ABCC1: variants seen among roughly 807,000 people sequenced by gnomAD.
ABCC1 encodes multidrug resistance-associated protein 1.
In ABCC1, 83 loss-of-function variants were observed where a neutral mutation model predicts 172.9. That is an observed-to-expected ratio of 0.48 (90% CI 0.40 to 0.58). The LOEUF is 0.58. Ranked by LOEUF, ABCC1 falls within the 20% of genes least tolerant of loss-of-function variation. The pLI is 0.00. For missense variants in ABCC1, 1,817 were observed against 2,002.7 expected (o/e 0.91, Z 1.77); for synonymous variants, 937 against 825.2 (o/e 1.14, Z -2.32).
intron 5 of ABCC1, among the ~76,000 whole-genome samples, chr16:16,021,441 G>C (rs1216569175): frequency 2.0e-5 from 3 of 152,104 alleles, no homozygotes; most frequent in African/African-American, 4.8e-5. Flanking sequence ...TCAAGGCCAG[G>C]TGTGGTGGCT....
intron 1 of ABCC1, among the ~76,000 whole-genome samples, chr16:15,984,338 C>T (rs983083142): frequency 1.3e-5 from 2 of 151,966 alleles, no homozygotes; most frequent in Admixed American, 6.6e-5. Flanking sequence ...GTAAGAATTA[C>T]GTAGTTGTAT....
At chr16:16,021,506 C>G (rs1468806825) in intron 5 of ABCC1, among the ~76,000 whole-genome samples, 1 of 152,084 alleles carries the variant, frequency 6.6e-6, no homozygotes. Flanking sequence ...CACCTGAGAT[C>G]AGGAGTTTGA....
chr16:16,088,135 G>A (rs888631969), intron 18 of ABCC1, among the ~76,000 whole-genome samples: 6 of 124,664 alleles, frequency 4.8e-5, no homozygotes, highest in Admixed American at 8.3e-5. Context: ...GTGTGTGTGT[G>A]TGTGTGTGTG....
rs1567298855 is a variant in ABCC1, at chr16:15,999,811, T to TCTCTCTC, written c.49-8004_49-7998dup. On this transcript the variant is annotated intron_variant, in intron 1 of 30. Coordinates refer to ENST00000399410, the MANE Select transcript of ABCC1 (RefSeq NM_004996.4). ...TCTCTCTCTCTCTCTCTCTCTCTCCTCTCTCTCTCTCTCTCTCTCTCTGTC... is the reference window on the plus strand; with the variant it reads ...TCTCTCTCTCTCTCTCTCTCTCTCCTCTCTCTCCTCTCTCTCTCTCTCTCTCTCTGTC... Among the ~76,000 whole-genome samples, 99 of 34,140 alleles carry TCTCTCTC rather than the reference T, an allele frequency of 2.9e-3. 2 individuals carry two copies. The highest frequency in any genetic ancestry group is 9.6e-3 in the African/African-American group (90 of 9,390). 22.4% of individuals were successfully genotyped at this position (34,140 alleles called of 152,430 possible). A position where few individuals can be genotyped will look rare whatever the true frequency, so the allele number is the denominator to read the frequency against.
chr16:16,102,765 TGGGAGGACAAGAG>T, intron 20 of ABCC1, 48 bp downstream of exon 20: 1 of 1,532,730 alleles, frequency 6.5e-7, no homozygotes, highest in Non-Finnish European at 8.8e-7. Context: ...GCCCTGCCAG[TGGGAGGACAAGAG>T]GAGGAACAAA....
chr16:15,978,729 GA>G (rs1366589867), intron 1 of ABCC1, among the ~76,000 whole-genome samples: 1 of 151,994 alleles, frequency 6.6e-6, no homozygotes, highest in Non-Finnish European at 1.5e-5. Flanking sequence ...GGACCACATA[GA>G]AAAAAATATT....
intron 12 of ABCC1, among the ~76,000 whole-genome samples, chr16:16,063,182 C>T (rs1277340868): frequency 6.6e-6 from 1 of 152,214 alleles, no homozygotes; most frequent in Non-Finnish European, 1.5e-5. Flanking sequence ...TCACAGCTCA[C>T]TGCAACCTCC....
chr16:16,066,005 A>G (rs548841167), intron 12 of ABCC1, among the ~76,000 whole-genome samples: 2 of 152,120 alleles, frequency 1.3e-5, no homozygotes, highest in East Asian at 3.9e-4. Context: ...AATGACAATC[A>G]CCACTAATTC....
In ABCC1 at chr16:16,007,829, C is replaced by T. The variant is rs762542019; in HGVS notation, c.62C>T (p.Thr21Met). 20 of 1,612,334 alleles carry T rather than the reference C, an allele frequency of 1.2e-5. No individual in the cohort carries two copies. The highest frequency in any genetic ancestry group is 1.0e-4 in the Admixed American group (6 of 59,728). ...GSDPLWDWNVTWNTSNPDFTK... is the reference protein window; with the variant it reads ...GSDPLWDWNVMWNTSNPDFTK... ...TTGTGTTCGCAGGACTGGAATGTCACGTGGAATACCAGCAACCCCGACTTC... is the reference window on the plus strand; with the variant it reads ...TTGTGTTCGCAGGACTGGAATGTCATGTGGAATACCAGCAACCCCGACTTC... The change falls in exon 2 of 31, where the codon ACG becomes ATG. Residue 21 changes from threonine (T) to methionine (M), a missense_variant. Thr to Met is a moderately conservative substitution (Grantham distance 81). Around this residue, in one of 3 missense-constraint regions of ABCC1, gnomAD observed 398 missense variants for 384.2 expected, o/e 1.04. Coordinates refer to ENST00000399410, the MANE Select transcript of ABCC1 (RefSeq NM_004996.4).
At chr16:16,058,839 A>T (rs2049786195) in intron 12 of ABCC1, among the ~76,000 whole-genome samples, 4 of 152,134 alleles carry the variant, frequency 2.6e-5, no homozygotes, top group Admixed American at 2.6e-4. Context: ...TCTTTAGTGT[A>T]GAGATGGTGT....
At chr16:16,123,968 GATCATGTC>G (rs2045287070) in intron 24 of ABCC1, among the ~76,000 whole-genome samples, 1 of 152,044 alleles carries the variant, frequency 6.6e-6, no homozygotes, top group Admixed American at 6.5e-5. Flanking sequence ...AGTGAGCTGT[GATCATGTC>G]ATCCACACTC....
At chr16:15,956,562 C>G (rs1024369213) in intron 1 of ABCC1, among the ~76,000 whole-genome samples, 1 of 152,028 alleles carries the variant, frequency 6.6e-6, no homozygotes, top group African/African-American at 2.4e-5. Flanking sequence ...GTCTCAAACT[C>G]CTGGCCTCAA....
At position 16,134,625 on chromosome 16, in the gene ABCC1, C is replaced by CG. The variant is rs1411368056; in HGVS notation, c.4125+117_4125+118insG. The CG allele has an allele frequency of 1.5e-4, 52 of 355,526 alleles. No individual in the cohort carries two copies. The African/African-American group carries it at 1.7e-3, about 12-fold the overall frequency. 22.0% of individuals were successfully genotyped at this position (355,526 alleles called of 1,614,324 possible). A position where few individuals can be genotyped will look rare whatever the true frequency, so the allele number is the denominator to read the frequency against. ...ATACATTTGGCCCTACTTCATCGTTCTTTTTTTTTTTTTTTTTTTTTTTTT... is the reference window on the plus strand; with the variant it reads ...ATACATTTGGCCCTACTTCATCGTTCGTTTTTTTTTTTTTTTTTTTTTTTTT... On this transcript the variant is annotated intron_variant, in intron 28 of 30. Coordinates refer to ENST00000399410, the MANE Select transcript of ABCC1 (RefSeq NM_004996.4).
chr16:16,128,026 T>A (rs576151841), intron 26 of ABCC1, among the ~76,000 whole-genome samples: 1 of 151,272 alleles, frequency 6.6e-6, no homozygotes, highest in Non-Finnish European at 1.5e-5. Flanking sequence ...GTTCAAGTGA[T>A]TCTCCTGCCT....
At chr16:15,962,135 T>C (rs2046147538) in intron 1 of ABCC1, among the ~76,000 whole-genome samples, 1 of 152,228 alleles carries the variant, frequency 6.6e-6, no homozygotes, top group Non-Finnish European at 1.5e-5. Flanking sequence ...ATCAGGCCCA[T>C]GTTGCTTGGC....
In ABCC1 at chr16:16,071,527, TAAGG is replaced by T. The variant is rs2050348006; in HGVS notation, c.1825-114_1825-111del. ...CTAAGAAATGTGGGACCTTCAGAAA[TAAGG>T]GAGGGTGTGTGCCCCTCCACACCTG... On this transcript the variant is annotated intron_variant, in intron 13 of 30. Transcript: ENST00000399410. The T allele has an allele frequency of 4.2e-6, 3 of 719,366 alleles. No individual in the cohort carries two copies. In the South Asian group the frequency reaches 5.2e-5, roughly 12 times the overall value. 44.6% of individuals were successfully genotyped at this position (719,366 alleles called of 1,614,324 possible). A position where few individuals can be genotyped will look rare whatever the true frequency, so the allele number is the denominator to read the frequency against.
intron 5 of ABCC1, among the ~76,000 whole-genome samples, chr16:16,023,616 T>C (rs1255982848): frequency 6.6e-6 from 1 of 152,200 alleles, no homozygotes; most frequent in Admixed American, 6.5e-5. Flanking sequence ...CCTTGACCAC[T>C]GCCCTGGAGG....
Position 16,083,421 on chromosome 16 carries a change from A to C in ABCC1, c.2171A>C (p.Glu724Ala). 5 of 1,613,916 alleles carry C rather than the reference A, an allele frequency of 3.1e-6. No individual in the cohort carries two copies. Among genetic ancestry groups the C allele is most frequent in the Non-Finnish European group, 4.2e-6 (5 of 1,180,048 alleles). Residue 724 changes from glutamate to alanine, a missense_variant, in exon 17 of 31, where the codon GAA becomes GCA. Transcript: ENST00000399410. ...TGGATTCAGAATGATTCTCTCCGAG[A>C]AAACATCCTTTTTGGATGTCAGCTG... is the stretch of plus-strand genomic sequence containing the variant. ...QAWIQNDSLRENILFGCQLEE... is the reference protein window; with the variant it reads ...QAWIQNDSLRANILFGCQLEE...
chr16:15,949,516 C>A (rs1339153151), upstream of ABCC1: 1 of 41,830 alleles, frequency 2.4e-5, no homozygotes, highest in African/African-American at 9.5e-5. Context: ...GCGAGGTGAG[C>A]GGGCGCCGGG....
Sources: allele counts gnomAD v4.1 joint callset (sites outside exome capture counted in the v4.1 genomes callset), GRCh38; gene constraint gnomAD v4.1.1; regional missense constraint gnomAD v4.1.1; transcripts MANE v1.5; gene names NCBI Gene and HGNC (gene_info 2026-07-23, HGNC 2026-07-21).